The following CD99L2 variants were observed in gnomAD, a reference collection of about 807,000 sequenced individuals.
CD99L2 encodes CD99 molecule like 2.
In CD99L2, 24 loss-of-function variants were observed where a neutral mutation model predicts 27.3. The observed-to-expected ratio is 0.88, with a 90% CI of 0.64 to 1.24. The LOEUF (loss-of-function observed/expected upper bound fraction) is 1.24. Among genes scored for constraint, CD99L2 ranks in the 50% most tolerant of loss-of-function variants. CD99L2 has a pLI of 0.00. For synonymous variants in CD99L2, 97 were observed against 87.9 expected, an observed-to-expected ratio of 1.10 and a Z score of -0.58; for missense variants, 255 against 221.6, an observed-to-expected ratio of 1.15 and a Z score of -0.96.
In CD99L2 at chrX:150,897,775, T is replaced by A. The variant is rs963701466; in HGVS notation, c.67+747A>T. Among the ~76,000 whole-genome samples, 10 of 111,613 alleles carry A rather than the reference T, an allele frequency of 9.0e-5. No homozygotes were observed. In the South Asian group the frequency reaches 2.6e-3, roughly 29 times the overall value. ...TACTAAGATGCTTCTCAAACTTGAA[T>A]GTGCCAGAGAATCACCCGCGGATCT... On this transcript the variant is annotated intron_variant, in intron 1 of 10. Coordinates refer to ENST00000370377, the MANE Select transcript of CD99L2 (RefSeq NM_031462.4).
At chrX:150,798,224 GGAAGGAAGGAAGGA>G (rs2045841802) in intron 4 of CD99L2, among the ~76,000 whole-genome samples, 1 of 19,841 alleles carries the variant, frequency 5.0e-5, no homozygotes, top group African/African-American at 2.6e-4. Flanking sequence ...AAGGAAGGAA[GGAAGGAAGGAAGGA>G]AGGAAGGAAG....
intron 4 of CD99L2, among the ~76,000 whole-genome samples, chrX:150,798,951 A>C (rs1387871626): frequency 8.9e-6 from 1 of 111,851 alleles, no homozygotes; most frequent in Non-Finnish European, 1.9e-5. Flanking sequence ...GGGTTGCCCC[A>C]TGTTGGCAAA....
intron 1 of CD99L2, among the ~76,000 whole-genome samples, chrX:150,837,016 T>C: frequency 8.9e-6 from 1 of 111,779 alleles, no homozygotes; most frequent in Non-Finnish European, 1.9e-5. Flanking sequence ...TAGCCATGAG[T>C]ATATATATGG....
At chrX:150,854,421 G>A (rs1281162963) in intron 1 of CD99L2, among the ~76,000 whole-genome samples, 2 of 111,763 alleles carry the variant, frequency 1.8e-5, no homozygotes, top group African/African-American at 6.5e-5. Flanking sequence ...AACCCACAAA[G>A]TCTTTCCTTA....
intron 7 of CD99L2, among the ~76,000 whole-genome samples, chrX:150,792,808 T>C (rs782612467): frequency 8.9e-6 from 1 of 112,233 alleles, no homozygotes; most frequent in Admixed American, 9.4e-5. Context: ...CAAGTTACAA[T>C]CACTAGCCTG....
At chrX:150,826,097 C>A in intron 2 of CD99L2, among the ~76,000 whole-genome samples, 1 of 111,541 alleles carries the variant, frequency 9.0e-6, no homozygotes, top group Non-Finnish European at 1.9e-5. Flanking sequence ...CTTGAGGCAG[C>A]CCTTTTGCCC....
At chrX:150,808,733 G>T (rs2046031594) in intron 4 of CD99L2, among the ~76,000 whole-genome samples, 1 of 111,963 alleles carries the variant, frequency 8.9e-6, no homozygotes, top group Non-Finnish European at 1.9e-5. Context: ...ATTATTCTGG[G>T]TGATTCTAAC....
At chrX:150,795,551 G>GGCT in intron 4 of CD99L2, 65 bp from the exon 5 acceptor site, 3 of 1,078,726 alleles carry the variant, frequency 2.8e-6, no homozygotes, top group South Asian at 1.9e-5. Context: ...AGCCATTCAT[G>GGCT]GCTCAGGGAA....
chrX:150,898,564 G>A lies in CD99L2; in HGVS notation c.25C>T (p.Leu9Phe). MVAWRSAF[L>F]VCLAFSLATL... ...GCCAAGGAGAAAGCGAGGCAGACAAGGAACGCCGAGCGCCAGGCCACCATG... is the reference window on the plus strand; with the variant it reads ...GCCAAGGAGAAAGCGAGGCAGACAAAGAACGCCGAGCGCCAGGCCACCATG... The change falls in exon 1 of 11, where the codon CTT becomes TTT. Residue 9 changes from leucine (L) to phenylalanine (F), a missense_variant. By Grantham distance (22) the Leu-to-Phe change is conservative. Transcript: ENST00000370377. 1 of 1,119,080 alleles carries A rather than the reference G, an allele frequency of 8.9e-7. No individual in the cohort carries two copies. The highest frequency in any genetic ancestry group is 1.2e-6 in the Non-Finnish European group (1 of 851,630). 92.2% of individuals were successfully genotyped at this position (1,119,080 alleles called of 1,213,427 possible).
At chrX:150,774,693 G>A (rs1197837939) in intron 9 of CD99L2, among the ~76,000 whole-genome samples, 1 of 112,147 alleles carries the variant, frequency 8.9e-6, no homozygotes, top group Non-Finnish European at 1.9e-5. Context: ...CACAGCCCAG[G>A]AGGCTGATGC....
At chrX:150,830,337 G>T (rs2046423573) in intron 2 of CD99L2, among the ~76,000 whole-genome samples, 1 of 110,687 alleles carries the variant, frequency 9.0e-6, no homozygotes, top group East Asian at 2.8e-4. Flanking sequence ...AATCACTTAA[G>T]GCCACGAGTT....
intron 1 of CD99L2, among the ~76,000 whole-genome samples, chrX:150,845,722 C>T (rs1248947192): frequency 8.9e-6 from 1 of 111,799 alleles, no homozygotes; most frequent in Non-Finnish European, 1.9e-5. Context: ...AAGTGTCATA[C>T]CTGATTACTC....
At chrX:150,883,228 A>C (rs1191035709) in intron 1 of CD99L2, among the ~76,000 whole-genome samples, 1 of 111,813 alleles carries the variant, frequency 8.9e-6, no homozygotes, top group African/African-American at 3.2e-5. Context: ...AACAAAAAAA[A>C]CCATGACAAC....
At chrX:150,776,709 T>G in intron 8 of CD99L2, among the ~76,000 whole-genome samples, 1 of 111,327 alleles carries the variant, frequency 9.0e-6, no homozygotes, top group South Asian at 3.8e-4. Context: ...GAGACCAGAG[T>G]GGGTCAGCAC....
intron 1 of CD99L2, among the ~76,000 whole-genome samples, chrX:150,853,860 C>T (rs1227508311): frequency 8.9e-6 from 1 of 111,892 alleles, no homozygotes; most frequent in African/African-American, 3.3e-5. Context: ...GCAATCACTG[C>T]TATTACCATG....
At chrX:150,892,364 T>G (rs1248417566) in intron 1 of CD99L2, among the ~76,000 whole-genome samples, 16 of 109,930 alleles carry the variant, frequency 1.5e-4, no homozygotes, top group Admixed American at 1.5e-3. Flanking sequence ...CCCAGCACTT[T>G]GGGAGGCCGA....
At chrX:150,838,720 C>T (rs1201997256) in intron 1 of CD99L2, among the ~76,000 whole-genome samples, 1 of 103,088 alleles carries the variant, frequency 9.7e-6, no homozygotes, top group Non-Finnish European at 2.0e-5. Context: ...AGAAAACAAA[C>T]TTTTTGGGTT....
intron 7 of CD99L2, among the ~76,000 whole-genome samples, chrX:150,787,892 A>G (rs1485852313): frequency 1.4e-4 from 4 of 28,400 alleles, no homozygotes; most frequent in Non-Finnish European, 1.1e-4. Context: ...CTTAAAGTAT[A>G]TATATATATA....
intron 1 of CD99L2, among the ~76,000 whole-genome samples, chrX:150,854,562 A>G (rs1415415774): frequency 7.2e-5 from 8 of 111,820 alleles, no homozygotes; most frequent in African/African-American, 2.3e-4. Context: ...GTCTTAACAG[A>G]GGTAATCAAG....
Sources: allele counts gnomAD v4.1 joint callset (sites outside exome capture counted in the v4.1 genomes callset), GRCh38; gene constraint gnomAD v4.1.1; transcripts MANE v1.5; gene names NCBI Gene and HGNC (gene_info 2026-07-23, HGNC 2026-07-21).